SORL1: variants seen among roughly 807,000 people sequenced by gnomAD.
The protein encoded by SORL1 is sortilin related receptor 1.
A neutral mutation model predicts 273.7 loss-of-function variants in SORL1; 127 were observed. That is an observed-to-expected ratio of 0.46 (90% CI 0.40 to 0.54). The LOEUF (loss-of-function observed/expected upper bound fraction) is 0.54. SORL1 is among the 20% of genes least tolerant of loss of function. The pLI, the probability that SORL1 is intolerant of heterozygous loss-of-function variation, is 0.00. For missense variants in SORL1, 2,494 were observed against 2,846.1 expected (o/e 0.88, Z 2.81); for synonymous variants, 1,031 against 1,067.4 (o/e 0.97, Z 0.66).
intron 1 of SORL1, among the ~76,000 whole-genome samples, chr11:121,460,200 A>G (rs529875945): frequency 6.6e-6 from 1 of 152,190 alleles, no homozygotes; most frequent in South Asian, 2.1e-4. Flanking sequence ...TGTGACCTCT[A>G]TTATTTAGAA....
chr11:121,500,594 A>G (rs1215793273), intron 6 of SORL1, among the ~76,000 whole-genome samples: 3 of 152,232 alleles, frequency 2.0e-5, no homozygotes, highest in Non-Finnish European at 4.4e-5. Context: ...ATATGGCTCC[A>G]AAAGCCTAAA....
chr11:121,469,726 G>C (rs778650045), intron 1 of SORL1, among the ~76,000 whole-genome samples: 1 of 152,186 alleles, frequency 6.6e-6, no homozygotes, highest in African/African-American at 2.4e-5. Context: ...TATCATAAAG[G>C]ATGAAAATAA....
chr11:121,583,511 A>AT lies in SORL1; in HGVS notation c.3635dup (p.Gln1214ProfsTer6). 1 of 1,612,944 alleles carries AT rather than the reference A, an allele frequency of 6.2e-7. No individual in the cohort carries two copies. Among genetic ancestry groups the AT allele is most frequent in the Non-Finnish European group, 8.5e-7 (1 of 1,179,474 alleles). ...CTTCCAGTGCCGAAACGGGCACTGCATCCCCCAGCGGTGGGCGTGTGACGG... is the reference window on the plus strand; with the variant it reads ...CTTCCAGTGCCGAAACGGGCACTGCATTCCCCCAGCGGTGGGCGTGTGACGG... On this transcript the variant is annotated frameshift_variant, in exon 26 of 48. Coordinates refer to ENST00000260197, the MANE Select transcript of SORL1 (RefSeq NM_003105.6). LOFTEE classifies it high-confidence loss of function.
chr11:121,607,289 G>C lies in SORL1; in HGVS notation c.5165G>C (p.Arg1722Thr), dbSNP rs1863492086. The C allele has an allele frequency of 1.9e-6, 3 of 1,549,402 alleles. No individual in the cohort carries two copies. Among genetic ancestry groups the C allele is most frequent in the Admixed American group, 1.7e-5 (1 of 59,876 alleles). The change falls in exon 37 of 48, where the codon AGA becomes ACA. Residue 1722 changes from arginine to threonine, a missense_variant and splice_region_variant. By Grantham distance (71) the Arg-to-Thr change is moderately conservative. Coordinates refer to ENST00000260197, the MANE Select transcript of SORL1 (RefSeq NM_003105.6). ...NLLVNTLYTV[R>T]VAAVTSRGIG... ...TTGGTCAACACTCTATACACCGTCA[G>C]AGTGAGTGTCGTCATCCATTCCAGC...
intron 1 of SORL1, among the ~76,000 whole-genome samples, chr11:121,453,925 A>AT (rs1253970472): frequency 6.6e-6 from 1 of 152,216 alleles, no homozygotes; most frequent in Non-Finnish European, 1.5e-5. Context: ...TAGATCTGGT[A>AT]TAAAGGGGGA....
rs182368054 is a variant in SORL1 at position 121,573,528 on chromosome 11, G to A, written c.3338-713G>A. 8.2e-3 allele frequency among the ~76,000 whole-genome samples: 1,250 copies of A among 152,224 alleles called. 6 individuals carry two copies. The highest frequency in any genetic ancestry group is 0.014 in the Non-Finnish European group (927 of 68,000). On this transcript the variant is annotated intron_variant, in intron 23 of 47. Transcript: ENST00000260197. ...TCAGGAGGCTGAGGCTGGAGAAATCGCTTGAACCTGGGAGGCGGAGGTTGC... is the reference window on the plus strand; with the variant it reads ...TCAGGAGGCTGAGGCTGGAGAAATCACTTGAACCTGGGAGGCGGAGGTTGC...
Position 121,627,514 on chromosome 11 carries a change from GC to G in SORL1, c.6365-38del. On this transcript the variant is annotated intron_variant, in intron 46 of 47. Transcript: ENST00000260197. This position sits in a 1 kb window ranked among gnomAD's most constrained non-coding sequence, Gnocchi z 4.9. The stretch of plus-strand genomic sequence containing the variant: ...GAGGAGTCATCTGGTCTGTTCTCCT[GC>G]CCTCAGGTGGGCTTATTGGTGGGAA... The G allele has an allele frequency of 6.4e-7, 1 of 1,555,776 alleles. No individual in the cohort carries two copies. Among genetic ancestry groups the G allele is most frequent in the Non-Finnish European group, 8.9e-7 (1 of 1,127,442 alleles).
intron 32 of SORL1, among the ~76,000 whole-genome samples, chr11:121,602,436 T>C (rs1863407383): frequency 6.6e-6 from 1 of 152,252 alleles, no homozygotes; most frequent in Non-Finnish European, 1.5e-5. Flanking sequence ...AGAACACTTG[T>C]CAGAGTGGTC....
chr11:121,625,811 C>T (rs928308737), intron 46 of SORL1, among the ~76,000 whole-genome samples: 2 of 152,100 alleles, frequency 1.3e-5, no homozygotes, highest in African/African-American at 4.8e-5. Flanking sequence ...AAGAGAGGAC[C>T]CTTCCGTTCA....
chr11:121,580,740 G>A (rs1863002134), intron 25 of SORL1, among the ~76,000 whole-genome samples: 3 of 151,346 alleles, frequency 2.0e-5, no homozygotes, highest in African/African-American at 7.3e-5. Flanking sequence ...GAGTAGCTGG[G>A]GCTACAGACA....
At chr11:121,516,147 C>T (rs756147340) in intron 8 of SORL1, among the ~76,000 whole-genome samples, 2 of 152,110 alleles carry the variant, frequency 1.3e-5, no homozygotes, top group Non-Finnish European at 2.9e-5. Context: ...ATCCTCAATG[C>T]TGTGTGGGAA....
At position 121,570,279 on chromosome 11, in the gene SORL1, T is replaced by TCTC; in HGVS notation, c.3337+11_3337+12insCCT. 1 of 1,597,628 alleles carries TCTC rather than the reference T, an allele frequency of 6.3e-7. No homozygotes were observed. The highest frequency in any genetic ancestry group is 8.6e-7 in the Non-Finnish European group (1 of 1,165,100). On this transcript the variant is annotated intron_variant, in intron 23 of 47. Coordinates refer to ENST00000260197, the MANE Select transcript of SORL1 (RefSeq NM_003105.6). ...CGATGAGAGAAACTGCCGTGAGTCT[T>TCTC]CTGGATTGGACGTTAAGCACTTACC...
At chr11:121,548,597 C>G (rs1862466320) in intron 14 of SORL1, among the ~76,000 whole-genome samples, 1 of 152,152 alleles carries the variant, frequency 6.6e-6, no homozygotes, top group African/African-American at 2.4e-5. Context: ...GACAGAGTCT[C>G]ACTCTGTCAC....
At chr11:121,495,270 G>T (rs1220563483) in intron 5 of SORL1, among the ~76,000 whole-genome samples, 1 of 151,934 alleles carries the variant, frequency 6.6e-6, no homozygotes, top group African/African-American at 2.4e-5. Flanking sequence ...ATTTTTTGTA[G>T]AGGTGGAGTC....
At chr11:121,511,812 C>T (rs926734583) in intron 6 of SORL1, among the ~76,000 whole-genome samples, 2 of 152,120 alleles carry the variant, frequency 1.3e-5, no homozygotes, top group African/African-American at 4.8e-5. Flanking sequence ...GGTACTGAAT[C>T]GTTATATTGC....
intron 27 of SORL1, 113 bp downstream of exon 27, chr11:121,586,442 A>T (rs1348813165): frequency 1.2e-6 from 1 of 818,528 alleles, no homozygotes; most frequent in Non-Finnish European, 2.1e-6. Flanking sequence ...GTTAGCTTTT[A>T]ACTGAGTTGA....
intron 6 of SORL1, among the ~76,000 whole-genome samples, chr11:121,508,579 G>T (rs192686845): frequency 6.6e-6 from 1 of 152,212 alleles, no homozygotes; most frequent in Non-Finnish European, 1.5e-5. Flanking sequence ...GACAGGTCAG[G>T]CTTTTTGGGA....
Position 121,588,017 on chromosome 11 carries a change from C to T in SORL1, c.3815-3C>T, listed in dbSNP as rs1863145573. On this transcript the variant is annotated splice_polypyrimidine_tract_variant and splice_region_variant and intron_variant, in intron 27 of 47. Coordinates refer to ENST00000260197, the MANE Select transcript of SORL1 (RefSeq NM_003105.6). ...CCTCTTCCCTTCTCTGGATCCCTTA[C>T]AGAGCCCCTCTGTACGCACTTCATG... The T allele has an allele frequency of 6.2e-7, 1 of 1,612,832 alleles. No homozygotes were observed. The highest frequency in any genetic ancestry group is 8.5e-7 in the Non-Finnish European group (1 of 1,179,194).
intron 21 of SORL1, among the ~76,000 whole-genome samples, chr11:121,561,056 G>T (rs1312475622): frequency 6.6e-6 from 1 of 152,202 alleles, no homozygotes. Flanking sequence ...CACCCCTACT[G>T]ATCTGACTTG....
Sources: allele counts gnomAD v4.1 joint callset (sites outside exome capture counted in the v4.1 genomes callset), GRCh38; gene constraint gnomAD v4.1.1; non-coding constraint Gnocchi (gnomAD v3.1); transcripts MANE v1.5; gene names NCBI Gene and HGNC (gene_info 2026-07-23, HGNC 2026-07-21).